CADPS2: variants seen among roughly 807,000 people sequenced by gnomAD.
CADPS2 encodes the protein calcium-dependent secretion activator 2.
A neutral mutation model predicts 172.5 loss-of-function variants in CADPS2; 93 were observed. That is an observed-to-expected ratio of 0.54 (90% confidence interval 0.46 to 0.64). CADPS2 has a LOEUF of 0.64. Among genes scored for constraint, CADPS2 ranks in the 30% least tolerant of loss-of-function variants. The probability of loss-of-function intolerance (pLI) is 0.00; values close to 1 mark genes in which losing one functional copy is unlikely to be tolerated. For missense variants in CADPS2, 1,420 were observed against 1,565.9 expected (o/e 0.91, Z 1.57); for synonymous variants, 546 against 555.2 (o/e 0.98, Z 0.23).
chr7:122,634,825 C>T (rs1260774904), intron 3 of CADPS2, among the ~76,000 whole-genome samples: 1 of 152,116 alleles, frequency 6.6e-6, no homozygotes, highest in African/African-American at 2.4e-5. Flanking sequence ...GCTTTAGCGG[C>T]ATCCCAAAGA....
At chr7:122,443,461 A>T (rs12670651) in intron 15 of CADPS2, among the ~76,000 whole-genome samples, 39,666 of 152,076 alleles carry the variant, frequency 0.26, 5,542 homozygotes, top group East Asian at 0.36. Context: ...CAGCCACATT[A>T]TATACCTAAC....
chr7:122,593,338 A>T (rs2071199951), intron 6 of CADPS2, among the ~76,000 whole-genome samples: 1 of 152,178 alleles, frequency 6.6e-6, no homozygotes, highest in East Asian at 1.9e-4. Flanking sequence ...AAAAGGAAAT[A>T]AAAAAGAGCC....
intron 8 of CADPS2, among the ~76,000 whole-genome samples, chr7:122,529,801 G>T (rs79067864): frequency 0.021 from 3,207 of 152,154 alleles, 111 homozygotes; most frequent in African/African-American, 0.073. Flanking sequence ...TGGGTATGAG[G>T]TTTGATTCAA....
At chr7:122,626,962 G>C (rs529318068) in intron 4 of CADPS2, among the ~76,000 whole-genome samples, 1 of 152,304 alleles carries the variant, frequency 6.6e-6, no homozygotes, top group East Asian at 1.9e-4. Context: ...CAGAGATTTT[G>C]CCCTGTAGTT....
intron 1 of CADPS2, among the ~76,000 whole-genome samples, chr7:122,751,342 A>G (rs984167312): frequency 1.3e-5 from 2 of 152,130 alleles, no homozygotes; most frequent in Non-Finnish European, 2.9e-5. Context: ...TGATTTAAAA[A>G]AATCATGTCG....
intron 2 of CADPS2, 33 bp from the exon 3 acceptor site, chr7:122,663,602 A>C (rs2080855159): frequency 6.8e-7 from 1 of 1,474,150 alleles, no homozygotes; most frequent in Non-Finnish European, 9.2e-7. Context: ...CAAAACAAAA[A>C]ACAATTACAA....
intron 16 of CADPS2, 57 bp from the exon 17 acceptor site, chr7:122,438,521 G>C (rs1428689815): frequency 5.8e-6 from 9 of 1,562,664 alleles, no homozygotes; most frequent in Non-Finnish European, 7.9e-6. Flanking sequence ...ACAGATGGAA[G>C]AAAAAAGACA....
intron 24 of CADPS2, among the ~76,000 whole-genome samples, chr7:122,385,825 T>C (rs2043590326): frequency 6.6e-6 from 1 of 152,054 alleles, no homozygotes; most frequent in Admixed American, 6.6e-5. Context: ...GAAGTGACTT[T>C]GGGTGTGGCC....
At chr7:122,732,829 TA>T (rs60986310) in intron 2 of CADPS2, among the ~76,000 whole-genome samples, 11 of 140,266 alleles carry the variant, frequency 7.8e-5, no homozygotes, top group African/African-American at 2.5e-4. Context: ...ATATTATATA[TA>T]ATATACATTA....
At chr7:122,506,393 C>T (rs2059609598) in intron 9 of CADPS2, among the ~76,000 whole-genome samples, 1 of 152,146 alleles carries the variant, frequency 6.6e-6, no homozygotes, top group South Asian at 2.1e-4. Context: ...AATCTGGGGA[C>T]AGAATTAAAT....
chr7:122,671,476 C>T (rs1438199672), intron 2 of CADPS2, among the ~76,000 whole-genome samples: 2 of 152,098 alleles, frequency 1.3e-5, no homozygotes, highest in Non-Finnish European at 2.9e-5. Flanking sequence ...TGCCTGAAAT[C>T]GCAGCACTTT....
chr7:122,647,294 T>C (rs2078671063), intron 3 of CADPS2, among the ~76,000 whole-genome samples: 1 of 152,130 alleles, frequency 6.6e-6, no homozygotes, highest in African/African-American at 2.4e-5. Flanking sequence ...GTAGTGAACC[T>C]ATCTATATTT....
At chr7:122,863,622 A>C (rs67590838) in intron 1 of CADPS2, among the ~76,000 whole-genome samples, 26,877 of 152,260 alleles carry the variant, frequency 0.18, 2,488 homozygotes, top group Middle Eastern at 0.27. Context: ...TTACAAAAAA[A>C]GTTCAAATGA....
At position 122,517,663 on chromosome 7, in the gene CADPS2, T is replaced by C. The variant is rs1412723950; in HGVS notation, c.1476-4348A>G. Among the ~76,000 whole-genome samples the C allele has an allele frequency of 2.0e-5, 3 of 152,242 alleles. No homozygotes were observed. In the South Asian group the frequency reaches 6.2e-4, roughly 32 times the overall value. On this transcript the variant is annotated intron_variant, in intron 8 of 29. Transcript: ENST00000449022. ...TTTAGAGACCAAAGATAAAGTCCTT[T>C]ATCTCATTATCTTGAGTACAGTGGA...
At chr7:122,824,183 T>C (rs951166660) in intron 1 of CADPS2, among the ~76,000 whole-genome samples, 2 of 152,226 alleles carry the variant, frequency 1.3e-5, no homozygotes, top group Admixed American at 1.3e-4. Flanking sequence ...TTATATCATT[T>C]GATTCTCACA....
chr7:122,501,573 G>A (rs1284264028), intron 9 of CADPS2, among the ~76,000 whole-genome samples: 1 of 151,962 alleles, frequency 6.6e-6, no homozygotes, highest in Non-Finnish European at 1.5e-5. Context: ...ACCTTGGCCA[G>A]GCATGGTGGT....
chr7:122,362,252 CCAAAGCTTA>C (rs2040250267), intron 25 of CADPS2, among the ~76,000 whole-genome samples: 1 of 152,096 alleles, frequency 6.6e-6, no homozygotes, highest in Admixed American at 6.5e-5. Flanking sequence ...TCCCTGCTTC[CCAAAGCTTA>C]CGTAGCAGTT....
chr7:122,640,741 C>T (rs978049657), intron 3 of CADPS2, among the ~76,000 whole-genome samples: 1 of 152,078 alleles, frequency 6.6e-6, no homozygotes, highest in Non-Finnish European at 1.5e-5. Context: ...ACCATCCTGG[C>T]TAACATGGTG....
At chr7:122,815,294 G>A (rs903713917) in intron 1 of CADPS2, among the ~76,000 whole-genome samples, 2 of 152,082 alleles carry the variant, frequency 1.3e-5, no homozygotes, top group African/African-American at 4.8e-5. Context: ...AAACAAAAAT[G>A]TTAGCTAATT....
Sources: allele counts gnomAD v4.1 joint callset (sites outside exome capture counted in the v4.1 genomes callset), GRCh38; gene constraint gnomAD v4.1.1; transcripts MANE v1.5; gene names NCBI Gene and HGNC (gene_info 2026-07-23, HGNC 2026-07-21).